The following RTN1 variants were observed in gnomAD, a reference collection of about 807,000 sequenced individuals.
RTN1 encodes reticulon 1.
Under a neutral mutation model 65.5 loss-of-function variants are expected in RTN1, and 25 were observed. The ratio of observed to expected loss-of-function variants is 0.38; its 90% CI spans 0.28 to 0.53. The LOEUF (loss-of-function observed/expected upper bound fraction) is 0.53. Ranked by LOEUF, RTN1 falls within the 20% of genes least tolerant of loss-of-function variation. The pLI, the probability that RTN1 is intolerant of heterozygous loss-of-function variation, is 0.79. For synonymous variants in RTN1, 471 were observed against 447.6 expected, an observed-to-expected ratio of 1.05 and a Z score of -0.66; for missense variants, 983 against 1,025.4, an observed-to-expected ratio of 0.96 and a Z score of 0.57.
At chr14:59,707,724 C>T (rs1462410439) in intron 3 of RTN1, among the ~76,000 whole-genome samples, 1 of 151,878 alleles carries the variant, frequency 6.6e-6, no homozygotes, top group African/African-American at 2.4e-5. Flanking sequence ...CACACACACA[C>T]ACACACACAC....
intron 1 of RTN1, among the ~76,000 whole-genome samples, chr14:59,844,726 ATTATG>A (rs1887375350): frequency 6.6e-6 from 1 of 152,222 alleles, no homozygotes; most frequent in African/African-American, 2.4e-5. Context: ...GATGGCACAT[ATTATG>A]TTATGTGCAT....
intron 3 of RTN1, among the ~76,000 whole-genome samples, chr14:59,710,939 C>A (rs1046594245): frequency 1.3e-5 from 2 of 152,222 alleles, no homozygotes; most frequent in Non-Finnish European, 2.9e-5. Context: ...AATTTCATTA[C>A]AATTCTAGCA....
At position 59,660,360 on chromosome 14, in the gene RTN1, G is replaced by C. The variant is rs142358088; in HGVS notation, c.1766-52868C>G. On this transcript the variant is annotated intron_variant, in intron 3 of 8. Coordinates refer to ENST00000267484, the MANE Select transcript of RTN1 (RefSeq NM_021136.3). ...ACAGAAAATTAACAAGGATATTCAG[G>C]ACTTGAACTTAGTTCTGGACCAAGC... is the stretch of plus-strand genomic sequence containing the variant. Among the ~76,000 whole-genome samples the C allele has an allele frequency of 5.1e-4, 77 of 152,182 alleles. 2 individuals carry two copies. The East Asian group carries it at 0.015, about 29-fold the overall frequency.
At position 59,607,298 on chromosome 14, in the gene RTN1, C is replaced by T; in HGVS notation, c.1960G>A (p.Gly654Ser). 6.2e-7 allele frequency: 1 copy of T among 1,613,956 alleles called. No individual in the cohort carries two copies. The highest frequency in any genetic ancestry group is 8.5e-7 in the Non-Finnish European group (1 of 1,179,964). ...TGAGGCACTCACTTGAAAGGGTGGC[C>T]TTCGTCGGTTTTCTGCACTGCTTGT... is the stretch of plus-strand genomic sequence containing the variant. ...VLQAVQKTDE[G>S]HPFKAYLELE... The change falls in exon 4 of 9, where the codon GGC becomes AGC. Residue 654 changes from glycine (G) to serine (S), a missense_variant. Gly to Ser is a moderately conservative substitution (Grantham distance 56). Transcript: ENST00000267484.
rs559716699 is a variant in RTN1 at position 59,639,913 on chromosome 14, C to G, written c.1766-32421G>C. ...GACATCATTTTAATATATCACTATT[C>G]AATTTGGATTCAATATGCTAATATT... On this transcript the variant is annotated intron_variant, in intron 3 of 8. Coordinates refer to ENST00000267484, the MANE Select transcript of RTN1 (RefSeq NM_021136.3). Among the ~76,000 whole-genome samples, 39 of 152,202 alleles carry G rather than the reference C, an allele frequency of 2.6e-4. 1 individual carries two copies. In the East Asian group the frequency reaches 7.5e-3, roughly 29 times the overall value.
intron 3 of RTN1, among the ~76,000 whole-genome samples, chr14:59,700,525 A>G (rs1884155756): frequency 6.6e-6 from 1 of 152,202 alleles, no homozygotes; most frequent in African/African-American, 2.4e-5. Context: ...AAGTCTAGAC[A>G]ATAAATCAAT....
intron 2 of RTN1, among the ~76,000 whole-genome samples, chr14:59,739,825 T>C (rs1885081101): frequency 2.0e-5 from 3 of 151,900 alleles, no homozygotes; most frequent in Admixed American, 2.0e-4. Flanking sequence ...GGGAAGAAAA[T>C]TCTTACCTTG....
chr14:59,641,835 T>C (rs557958836), intron 3 of RTN1, among the ~76,000 whole-genome samples: 17 of 152,256 alleles, frequency 1.1e-4, no homozygotes, highest in Admixed American at 7.9e-4. Flanking sequence ...GGCTTTTATA[T>C]ATCATTGGTG....
intron 1 of RTN1, among the ~76,000 whole-genome samples, chr14:59,764,559 C>A (rs1295910748): frequency 1.3e-5 from 2 of 152,112 alleles, no homozygotes; most frequent in East Asian, 3.9e-4. Context: ...TGACCTCTGG[C>A]AATCCACCCA....
chr14:59,721,191 A>G (rs948652883), intron 3 of RTN1, among the ~76,000 whole-genome samples: 1 of 152,158 alleles, frequency 6.6e-6, no homozygotes, highest in African/African-American at 2.4e-5. Context: ...CATCCCACAA[A>G]TCACCCCTCC....
At chr14:59,827,706 T>C (rs1407547629) in intron 1 of RTN1, among the ~76,000 whole-genome samples, 4 of 152,212 alleles carry the variant, frequency 2.6e-5, no homozygotes, top group African/African-American at 9.6e-5. Context: ...CTCAAGCCAG[T>C]TTCTATCTTG....
intron 1 of RTN1, among the ~76,000 whole-genome samples, chr14:59,853,094 G>A (rs1594767786): frequency 1.3e-5 from 2 of 152,162 alleles, no homozygotes; most frequent in Admixed American, 6.5e-5. Flanking sequence ...CTAAGAGTTA[G>A]AAAGTTATTT....
chr14:59,727,007 A>T lies in RTN1; in HGVS notation c.1677T>A (p.Ser559Arg). The change falls in exon 3 of 9, where the codon AGT becomes AGA. Residue 559 changes from serine to arginine, a missense_variant. Physicochemically the swap from Ser to Arg is moderately radical, Grantham distance 110. This residue lies in a region of RTN1 where 818 missense variants were observed against 801.8 expected (regional missense o/e 1.02). Transcript: ENST00000267484. This position sits in a 1 kb window ranked among gnomAD's most constrained non-coding sequence, Gnocchi z 4.2. Reference protein sequence around the residue: ...MLPRKPEEDSSSNQSPAATKG... With the variant: ...MLPRKPEEDSRSNQSPAATKG... Reference sequence around the variant, plus strand: ...TTGTGGCCGCAGGACTTTGGTTGGAACTCGAGTCTTCTTCAGGCTTCCGTG... The same window carrying T: ...TTGTGGCCGCAGGACTTTGGTTGGATCTCGAGTCTTCTTCAGGCTTCCGTG... The T allele has an allele frequency of 6.2e-7, 1 of 1,613,304 alleles. No homozygotes were observed. The highest frequency in any genetic ancestry group is 8.5e-7 in the Non-Finnish European group (1 of 1,179,718).
At chr14:59,663,575 T>C (rs972128970) in intron 3 of RTN1, among the ~76,000 whole-genome samples, 2 of 151,980 alleles carry the variant, frequency 1.3e-5, no homozygotes, top group Non-Finnish European at 2.9e-5. Flanking sequence ...ATTTTTGCAA[T>C]CTGTCCATCT....
intron 3 of RTN1, among the ~76,000 whole-genome samples, chr14:59,703,990 C>T (rs1010924575): frequency 2.0e-5 from 3 of 152,132 alleles, no homozygotes; most frequent in African/African-American, 7.2e-5. Flanking sequence ...TATTTTTCTT[C>T]CTTCTGAGGG....
rs1191787410 is a variant in RTN1, at chr14:59,816,248, CTAGT to C, written c.241+54138_241+54141del. The stretch of plus-strand genomic sequence containing the variant: ...GCACACACACAGACACACACACACA[CTAGT>C]TACTCAGGTGATTAATGAATGCTGA... On this transcript the variant is annotated intron_variant, in intron 1 of 8. Coordinates refer to ENST00000267484, the MANE Select transcript of RTN1 (RefSeq NM_021136.3). This position sits in a 1 kb window ranked among gnomAD's most constrained non-coding sequence, Gnocchi z 4.3. Among the ~76,000 whole-genome samples, 6 of 152,108 alleles carry C rather than the reference CTAGT, an allele frequency of 3.9e-5. No individual in the cohort carries two copies. The highest frequency in any genetic ancestry group is 1.4e-4 in the African/African-American group (6 of 41,416).
chr14:59,825,480 GT>G lies in RTN1; in HGVS notation c.241+44909del, dbSNP rs1319125340. Among the ~76,000 whole-genome samples the G allele has an allele frequency of 6.6e-6, 1 of 152,230 alleles. No homozygotes were observed. Among genetic ancestry groups the G allele is most frequent in the African/African-American group, 2.4e-5 (1 of 41,466 alleles). On this transcript the variant is annotated intron_variant, in intron 1 of 8. Coordinates refer to ENST00000267484, the MANE Select transcript of RTN1 (RefSeq NM_021136.3). This position sits in a 1 kb window ranked among gnomAD's most constrained non-coding sequence, Gnocchi z 4.2. The stretch of plus-strand genomic sequence containing the variant: ...TAAAAATAGTTACAATGTGTTTTCT[GT>G]TTTGTCAAAGTTTTATCAGCCTGAG...
intron 1 of RTN1, among the ~76,000 whole-genome samples, chr14:59,851,141 C>T (rs10483720): frequency 0.22 from 33,657 of 152,078 alleles, 4,197 homozygotes; most frequent in East Asian, 0.56. Flanking sequence ...TTCATATTGA[C>T]GTGATAATAC....
chr14:59,696,709 G>A (rs1884070898), intron 3 of RTN1, among the ~76,000 whole-genome samples: 1 of 152,150 alleles, frequency 6.6e-6, no homozygotes, highest in Non-Finnish European at 1.5e-5. Flanking sequence ...GGAAGCTGCT[G>A]TAACCTAGCT....
Sources: allele counts gnomAD v4.1 joint callset (sites outside exome capture counted in the v4.1 genomes callset), GRCh38; gene constraint gnomAD v4.1.1; regional missense constraint gnomAD v4.1.1; non-coding constraint Gnocchi (gnomAD v3.1); transcripts MANE v1.5; gene names NCBI Gene and HGNC (gene_info 2026-07-23, HGNC 2026-07-21).